The following SMC1A variants were observed in gnomAD, a reference collection of about 807,000 sequenced individuals.
The protein encoded by SMC1A is structural maintenance of chromosomes 1A, also known as structural maintenance of chromosomes protein 1A.
Under a neutral mutation model 94.5 loss-of-function variants are expected in SMC1A, and 4 were observed. The ratio of observed to expected loss-of-function variants is 0.04; its 90% CI spans 0.02 to 0.10. SMC1A has a LOEUF of 0.10. Ranked by LOEUF, SMC1A falls within the 10% of genes least tolerant of loss-of-function variation. The pLI is 1.00. For missense variants in SMC1A, 304 were observed against 989.0 expected (o/e 0.31, Z 9.29); for synonymous variants, 345 against 347.7 (o/e 0.99, Z 0.09).
chrX:53,380,119 T>C lies in SMC1A; in HGVS notation c.3686A>G (p.Asn1229Ser). ...AAAATACTGCTACTGCTCATTGGGG[T>C]TGGGGTTGGCATCTGGGTACTTGGT... is the stretch of plus-strand genomic sequence containing the variant. The part of the protein sequence containing the change: ...DLTKYPDANP[N>S]PNEQ Residue 1229 changes from asparagine to serine, a missense_variant, in exon 25 of 25, where the codon AAC becomes AGC. This residue lies in a region of SMC1A where 24 missense variants were observed against 43.5 expected (regional missense o/e 0.55). Transcript: ENST00000322213. 1 of 1,205,037 alleles carries C rather than the reference T, an allele frequency of 8.3e-7. No homozygotes were observed. Among genetic ancestry groups the C allele is most frequent in the South Asian group, 1.8e-5 (1 of 56,376 alleles).
chrX:53,402,786 G>A (rs1337702616), intron 15 of SMC1A, among the ~76,000 whole-genome samples: 9 of 93,442 alleles, frequency 9.6e-5, no homozygotes, highest in Admixed American at 4.0e-4. Context: ...GCATGAACAC[G>A]GGAGCCCGGA....
At chrX:53,393,630 G>A (rs1602404083) in intron 19 of SMC1A, among the ~76,000 whole-genome samples, 2 of 110,959 alleles carry the variant, frequency 1.8e-5, no homozygotes. Context: ...ATACTCCAAT[G>A]GGGGGTATAA....
In SMC1A at chrX:53,376,074, C is replaced by A. The variant is rs1253035175; in HGVS notation, c.*4029G>T. ...GGGGCTATACTGGTAAGCAAAATAT[C>A]CCCAGGCCCACCCTTGTGGTGCCTA... is the stretch of plus-strand genomic sequence containing the variant. On this transcript the variant is annotated 3_prime_UTR_variant, in exon 25 of 25. Transcript: ENST00000322213. The A allele has an allele frequency of 1.8e-5, 2 of 112,700 alleles. No individual in the cohort carries two copies. Among genetic ancestry groups the A allele is most frequent in the Non-Finnish European group, 3.8e-5 (2 of 53,259 alleles). The allele number at this position is 112,700 out of a possible 1,213,427, so 9.3% of individuals were successfully genotyped here.
intron 15 of SMC1A, among the ~76,000 whole-genome samples, chrX:53,403,050 G>A (rs1045525508): frequency 8.0e-5 from 8 of 99,708 alleles, no homozygotes; most frequent in African/African-American, 1.1e-4. Context: ...TTAGCCGGGC[G>A]TGGTGGCAAA....
rs1556885470 is a variant in SMC1A at position 53,378,365 on chromosome X, T to C, written c.*1738A>G. On this transcript the variant is annotated 3_prime_UTR_variant, in exon 25 of 25. Transcript: ENST00000322213. Reference sequence around the variant, plus strand: ...AAATGTGGTAATCATATGATGACAATCTATACAGCAATTACAGAAGATGGA... The same window carrying C: ...AAATGTGGTAATCATATGATGACAACCTATACAGCAATTACAGAAGATGGA... The C allele has an allele frequency of 8.9e-6, 1 of 112,438 alleles. No individual in the cohort carries two copies. Among genetic ancestry groups the C allele is most frequent in the African/African-American group, 3.2e-5 (1 of 30,956 alleles). 9.3% of individuals were successfully genotyped at this position (112,438 alleles called of 1,213,427 possible). A position where few individuals can be genotyped will look rare whatever the true frequency, so the allele number is the denominator to read the frequency against.
chrX:53,404,589 G>C (rs1443027246), intron 13 of SMC1A, among the ~76,000 whole-genome samples: 1 of 110,274 alleles, frequency 9.1e-6, no homozygotes, highest in Non-Finnish European at 1.9e-5. Context: ...CACCTCCCGG[G>C]TTCAAGCAAT....
rs2146599756 is a variant in SMC1A at position 53,405,542 on chromosome X, T to C, written c.1862A>G (p.Asn621Ser). The C allele has an allele frequency of 8.2e-7, 1 of 1,212,154 alleles. No homozygotes were observed. The highest frequency in any genetic ancestry group is 1.1e-6 in the Non-Finnish European group (1 of 895,625). The change falls in exon 11 of 25, where the codon AAC becomes AGC. Residue 621 changes from asparagine (N) to serine (S), a missense_variant. Around this residue, in one of 11 missense-constraint regions of SMC1A, gnomAD observed 57 missense variants for 278.1 expected, o/e 0.20. Transcript: ENST00000322213. ...GGCAATGCGGCGGGCATCTTCCACG[T>C]TGTCACAGACAAGGGCATTGCCACA... ...YACGNALVCD[N>S]VEDARRIAFG...
In SMC1A at chrX:53,422,652, A is replaced by G; in HGVS notation, c.-52T>C. ...GACAGGCCGCGCCGTACGCCCGAGA[A>G]CTGAGGTAGCCCGCGCGGGAAACGC... On this transcript the variant is annotated 5_prime_UTR_variant, in exon 1 of 25. Transcript: ENST00000322213. 1.2e-6 allele frequency: 1 copy of G among 836,160 alleles called. No individual in the cohort carries two copies. The highest frequency in any genetic ancestry group is 1.8e-6 in the Non-Finnish European group (1 of 558,446). The allele number at this position is 836,160 out of a possible 1,213,427, so 68.9% of individuals were successfully genotyped here.
chrX:53,419,222 G>C (rs1187481946), intron 1 of SMC1A, among the ~76,000 whole-genome samples: 2 of 109,522 alleles, frequency 1.8e-5, no homozygotes, highest in Non-Finnish European at 3.8e-5. Flanking sequence ...TCCTTCCATA[G>C]AGACGGTATA....
intron 19 of SMC1A, among the ~76,000 whole-genome samples, chrX:53,394,549 G>A (rs895296617): frequency 1.8e-5 from 2 of 111,038 alleles, no homozygotes; most frequent in Non-Finnish European, 1.9e-5. Flanking sequence ...GCAAGGGCAG[G>A]GGCAACTTGG....
chrX:53,413,929 T>G (rs1300836653), intron 3 of SMC1A, among the ~76,000 whole-genome samples: 3 of 109,792 alleles, frequency 2.7e-5, no homozygotes, highest in Non-Finnish European at 3.8e-5. Context: ...ATACAAAAAT[T>G]AGCCAGGCAT....
intron 3 of SMC1A, 88 bp from the exon 4 acceptor site, chrX:53,413,523 T>C (rs1293637079): frequency 2.3e-6 from 2 of 882,994 alleles, no homozygotes; most frequent in African/African-American, 3.9e-5. Context: ...CAGAAAAAGT[T>C]ACCAACTTTC....
intron 19 of SMC1A, among the ~76,000 whole-genome samples, chrX:53,384,505 C>T (rs1390024903): frequency 9.0e-6 from 1 of 110,633 alleles, no homozygotes; most frequent in Non-Finnish European, 1.9e-5. Context: ...CTCAACTGAT[C>T]CACCCATCTC....
chrX:53,419,937 A>G (rs1556891823), intron 1 of SMC1A, among the ~76,000 whole-genome samples: 1 of 110,747 alleles, frequency 9.0e-6, no homozygotes, highest in Admixed American at 9.6e-5. Flanking sequence ...GTGAGACTCC[A>G]TCTAAAAAAG....
At chrX:53,390,384 G>A (rs1458189134) in intron 19 of SMC1A, among the ~76,000 whole-genome samples, 3 of 107,242 alleles carry the variant, frequency 2.8e-5, no homozygotes, top group Non-Finnish European at 5.8e-5. Context: ...GCTACTTGGG[G>A]GGCTGAGGCA....
chrX:53,381,746 C>T (rs1359453644), intron 22 of SMC1A: 2 of 180,020 alleles, frequency 1.1e-5, no homozygotes, highest in Admixed American at 7.1e-5. Flanking sequence ...CTAATCCCTC[C>T]GCAGGGTCTG....
rs371618317 is a variant in SMC1A at position 53,380,070 on chromosome X, G to A, written c.*33C>T. The A allele has an allele frequency of 4.0e-6, 4 of 1,011,317 alleles. No individual in the cohort carries two copies. Among genetic ancestry groups the A allele is most frequent in the African/African-American group, 1.9e-5 (1 of 53,988 alleles). 83.3% of individuals were successfully genotyped at this position (1,011,317 alleles called of 1,213,427 possible). A position where few individuals can be genotyped will look rare whatever the true frequency, so the allele number is the denominator to read the frequency against. On this transcript the variant is annotated 3_prime_UTR_variant, in exon 25 of 25. Transcript: ENST00000322213. ...AGAGATTGGGAGAGGGACAGCTTAG[G>A]GATCCAGACAGGGCGGGAGGGCAAA... is the stretch of plus-strand genomic sequence containing the variant.
At chrX:53,388,265 C>T (rs782308154) in intron 19 of SMC1A, among the ~76,000 whole-genome samples, 30 of 111,345 alleles carry the variant, frequency 2.7e-4, no homozygotes, top group Non-Finnish European at 4.5e-4. Flanking sequence ...CTGTCCAATC[C>T]GGTTGCCAGT....
chrX:53,404,313 G>GT (rs2146598717), intron 13 of SMC1A, among the ~76,000 whole-genome samples: 1 of 108,407 alleles, frequency 9.2e-6, no homozygotes, highest in East Asian at 2.9e-4. Context: ...ACCTAGAACA[G>GT]TCCCCCCCCG....
Sources: gnomAD v4.1 joint callset for allele counts (sites outside exome capture counted in the v4.1 genomes callset) on GRCh38, gnomAD v4.1.1 for gene constraint, gnomAD v4.1.1 regional missense constraint, MANE v1.5 for transcripts, NCBI Gene and HGNC (gene_info 2026-07-23, HGNC 2026-07-21) for gene names.